The following NKAIN2 variants were observed in gnomAD, a reference collection of about 807,000 sequenced individuals.
NKAIN2 encodes the protein sodium/potassium-transporting ATPase subunit beta-1-interacting protein 2.
NKAIN2 carries 14 observed loss-of-function variants against 32.6 expected under a neutral mutation model. The observed-to-expected ratio is 0.43, with a 90% CI of 0.28 to 0.67. The LOEUF is 0.67. Among genes scored for constraint, NKAIN2 ranks in the 30% least tolerant of loss-of-function variants. The pLI is 0.17. For missense variants in NKAIN2, 198 were observed against 258.3 expected (o/e 0.77, Z 1.60); for synonymous variants, 80 against 87.2 (o/e 0.92, Z 0.46).
chr6:124,286,094 A>T (rs887855982), intron 2 of NKAIN2, among the ~76,000 whole-genome samples: 2 of 152,166 alleles, frequency 1.3e-5, no homozygotes, highest in African/African-American at 4.8e-5. Flanking sequence ...TCTCGACTTC[A>T]TGACTGAAGA....
chr6:124,687,743 T>TACACACACACACAC lies in NKAIN2; in HGVS notation c.474+29383_474+29396dup, dbSNP rs373594549. ...ATATAATATAAATATATATGATATA[T>TACACACACACACAC]ACACACACACACACACACACACACA... On this transcript the variant is annotated intron_variant, in intron 4 of 6. Transcript: ENST00000368417. 1.6e-3 allele frequency among the ~76,000 whole-genome samples: 165 copies of TACACACACACACAC among 104,360 alleles called. 7 individuals are homozygous for TACACACACACACAC. Among genetic ancestry groups the TACACACACACACAC allele is most frequent in the Admixed American group, 4.3e-3 (33 of 7,736 alleles). 68.5% of individuals were successfully genotyped at this position (104,360 alleles called of 152,430 possible). A position where few individuals can be genotyped will look rare whatever the true frequency, so the allele number is the denominator to read the frequency against.
At chr6:123,848,857 G>T (rs1025442386) in intron 1 of NKAIN2, among the ~76,000 whole-genome samples, 1 of 152,170 alleles carries the variant, frequency 6.6e-6, no homozygotes, top group African/African-American at 2.4e-5. Flanking sequence ...GAAAAACACA[G>T]CATGTCTGCC....
At chr6:124,106,151 T>C (rs893575484) in intron 1 of NKAIN2, among the ~76,000 whole-genome samples, 1 of 152,186 alleles carries the variant, frequency 6.6e-6, no homozygotes, top group Non-Finnish European at 1.5e-5. Context: ...TTTATGGTAC[T>C]TTTTGACTGT....
chr6:124,555,622 T>G (rs2114877925), intron 3 of NKAIN2, among the ~76,000 whole-genome samples: 1 of 152,356 alleles, frequency 6.6e-6, no homozygotes, highest in East Asian at 1.9e-4. Flanking sequence ...ACCCTTTCTT[T>G]GTTTCTCATT....
At chr6:123,842,495 T>C (rs779450793) in intron 1 of NKAIN2, among the ~76,000 whole-genome samples, 3 of 152,134 alleles carry the variant, frequency 2.0e-5, no homozygotes, top group Non-Finnish European at 2.9e-5. Context: ...TATACAAATA[T>C]AGTCTTGTTG....
chr6:124,671,670 G>A (rs1036662882), intron 4 of NKAIN2, among the ~76,000 whole-genome samples: 1 of 151,914 alleles, frequency 6.6e-6, no homozygotes, highest in African/African-American at 2.4e-5. Context: ...AAACTATATA[G>A]AGCCTCATGA....
Position 124,750,338 on chromosome 6 carries a change from T to C in NKAIN2, c.475-41001T>C, listed in dbSNP as rs140657154. Among the ~76,000 whole-genome samples, 1,025 of 152,004 alleles carry C rather than the reference T, an allele frequency of 6.7e-3. 4 individuals carry two copies. Among genetic ancestry groups the C allele is most frequent in the South Asian group, 0.011 (55 of 4,808 alleles). ...CAACCTTGAGTCTTCCATAACTGTG[T>C]ATATTTAGCACTATCACATTTTAGT... On this transcript the variant is annotated intron_variant, in intron 4 of 6. Coordinates refer to ENST00000368417, the MANE Select transcript of NKAIN2 (RefSeq NM_001040214.3).
At chr6:123,891,049 G>T (rs1430561700) in intron 1 of NKAIN2, among the ~76,000 whole-genome samples, 1 of 152,098 alleles carries the variant, frequency 6.6e-6, no homozygotes, top group East Asian at 1.9e-4. Context: ...CTACAACATG[G>T]ATGAACCTTG....
intron 1 of NKAIN2, among the ~76,000 whole-genome samples, chr6:123,853,624 AAGG>A (rs776845704): frequency 6.6e-6 from 1 of 152,192 alleles, no homozygotes; most frequent in African/African-American, 2.4e-5. Context: ...TAATGACAAA[AAGG>A]AGGAGAATAT....
chr6:124,626,711 GTATAT>G (rs1783363427), intron 3 of NKAIN2, among the ~76,000 whole-genome samples: 1 of 152,106 alleles, frequency 6.6e-6, no homozygotes, highest in Admixed American at 6.6e-5. Flanking sequence ...AGTGTTGGGG[GTATAT>G]TCAGGGCCAC....
intron 2 of NKAIN2, among the ~76,000 whole-genome samples, chr6:124,354,189 A>C (rs181832243): frequency 6.6e-6 from 1 of 151,826 alleles, no homozygotes; most frequent in South Asian, 2.1e-4. Flanking sequence ...CAGGTTATGT[A>C]CTCCTCTCAT....
intron 1 of NKAIN2, among the ~76,000 whole-genome samples, chr6:123,875,310 T>A (rs947554036): frequency 6.6e-6 from 1 of 151,972 alleles, no homozygotes; most frequent in African/African-American, 2.4e-5. Flanking sequence ...AGCAAATAAC[T>A]TACTATATGC....
intron 3 of NKAIN2, among the ~76,000 whole-genome samples, chr6:124,619,731 A>T (rs1783040099): frequency 6.6e-6 from 1 of 152,154 alleles, no homozygotes; most frequent in Non-Finnish European, 1.5e-5. Flanking sequence ...ATATAAAAAT[A>T]ATTAGTAATG....
intron 1 of NKAIN2, among the ~76,000 whole-genome samples, chr6:123,940,017 A>G (rs1346766786): frequency 6.6e-6 from 1 of 151,834 alleles, no homozygotes; most frequent in Non-Finnish European, 1.5e-5. Flanking sequence ...TCTAGCCTCT[A>G]TTTGTCAGTC....
intron 1 of NKAIN2, among the ~76,000 whole-genome samples, chr6:123,977,426 A>G (rs947195102): frequency 1.3e-5 from 2 of 152,102 alleles, no homozygotes; most frequent in Non-Finnish European, 2.9e-5. Flanking sequence ...ACAAGCAAAC[A>G]AAAAGCTACT....
chr6:124,600,257 C>G (rs753525080), intron 3 of NKAIN2, among the ~76,000 whole-genome samples: 2 of 152,020 alleles, frequency 1.3e-5, no homozygotes, highest in Non-Finnish European at 2.9e-5. Context: ...TTCTAAATGC[C>G]ATCCTTGTAA....
intron 1 of NKAIN2, among the ~76,000 whole-genome samples, chr6:124,206,799 C>T (rs1375192774): frequency 6.6e-6 from 1 of 151,808 alleles, no homozygotes; most frequent in Non-Finnish European, 1.5e-5. Context: ...TACAAACAAT[C>T]TGTAAACATG....
rs1554217648 is a variant in NKAIN2, at chr6:124,498,924, G to GTT, written c.273+143578_273+143579dup. On this transcript the variant is annotated intron_variant, in intron 3 of 6. Transcript: ENST00000368417. ...ATATTTATATCTCTTTTTTGTAGTT[G>GTT]TTGTTTTGTTTTGTTTTGTTTTTTG... 2.1e-3 allele frequency among the ~76,000 whole-genome samples: 315 copies of GTT among 152,100 alleles called. 1 individual carries two copies. Among genetic ancestry groups the GTT allele is most frequent in the African/African-American group, 7.4e-3 (308 of 41,508 alleles).
intron 4 of NKAIN2, among the ~76,000 whole-genome samples, chr6:124,741,263 A>G (rs1482408446): frequency 6.6e-6 from 1 of 151,672 alleles, no homozygotes; most frequent in Non-Finnish European, 1.5e-5. Flanking sequence ...AGTTCAGGGG[A>G]GATCAGCACT....
Sources: gnomAD v4.1 joint callset for allele counts (sites outside exome capture counted in the v4.1 genomes callset) on GRCh38, gnomAD v4.1.1 for gene constraint, MANE v1.5 for transcripts, NCBI Gene and HGNC (gene_info 2026-07-23, HGNC 2026-07-21) for gene names.